The following GALNT15 variants were observed in gnomAD, a reference collection of about 807,000 sequenced individuals.
GALNT15 encodes polypeptide N-acetylgalactosaminyltransferase 15, also known as UDP-GalNAc transferase T15.
GALNT15 carries 67 observed loss-of-function variants against 66.8 expected under a neutral mutation model. The observed-to-expected ratio is 1.00, with a 90% CI of 0.82 to 1.23. The LOEUF (loss-of-function observed/expected upper bound fraction) is 1.23. Ranked by LOEUF, GALNT15 falls within the 50% of genes most tolerant of loss-of-function variation. The pLI is 0.00. For missense variants in GALNT15, 827 were observed against 804.3 expected (o/e 1.03, Z -0.34); for synonymous variants, 313 against 311.5 (o/e 1.00, Z -0.05).
At chr3:16,244,177 C>T in the GALNT15 span, among the ~76,000 whole-genome samples, 1 of 152,150 alleles carries the variant, frequency 6.6e-6, no homozygotes, top group African/African-American at 2.4e-5. Context: ...GGCTTCTGTC[C>T]ACCTCCTCAG....
At position 16,229,816 on chromosome 3, in the gene GALNT15, A is replaced by G; in HGVS notation, c.*2316A>G. The G allele has an allele frequency of 2.4e-6, 2 of 846,486 alleles. No individual in the cohort carries two copies. The highest frequency in any genetic ancestry group is 6.1e-4 in the Middle Eastern group (1 of 1,636). The allele number at this position is 846,486 out of a possible 1,614,324, so 52.4% of individuals were successfully genotyped here. On this transcript the variant is annotated 3_prime_UTR_variant, in exon 10 of 10. Coordinates refer to ENST00000339732, the MANE Select transcript of GALNT15 (RefSeq NM_054110.5). ...ATTGCCTAATTGGGTGAACAAAGCA[A>G]GAATATGGTGTTTCTTGCTTCCTTA...
In GALNT15 at chr3:16,184,033, C is replaced by T. The variant is rs1024957229; in HGVS notation, c.539+8343C>T. The stretch of plus-strand genomic sequence containing the variant: ...TAAGATTATCCCTTTCAATCCAGGA[C>T]ACACCCCTGGGCTGGAGAAAGGTAT... On this transcript the variant is annotated intron_variant, in intron 1 of 9. Coordinates refer to ENST00000339732, the MANE Select transcript of GALNT15 (RefSeq NM_054110.5). The surrounding 1 kb of genome is among the most constrained non-coding windows in gnomAD (Gnocchi z 5.0). Among the ~76,000 whole-genome samples, 1 of 152,172 alleles carries T rather than the reference C, an allele frequency of 6.6e-6. No individual in the cohort carries two copies.
At chr3:16,247,681 T>C in the GALNT15 span, among the ~76,000 whole-genome samples, 1 of 152,214 alleles carries the variant, frequency 6.6e-6, no homozygotes, top group Non-Finnish European at 1.5e-5. Context: ...GTGTTGTAAA[T>C]GAAGCATCAT....
chr3:16,228,604 G>T lies in GALNT15; in HGVS notation c.*1104G>T, dbSNP rs1171634676. 18 of 953,218 alleles carry T rather than the reference G, an allele frequency of 1.9e-5. No individual in the cohort carries two copies. The highest frequency in any genetic ancestry group is 2.1e-5 in the Non-Finnish European group (17 of 803,742). 59.0% of individuals were successfully genotyped at this position (953,218 alleles called of 1,614,324 possible). On this transcript the variant is annotated 3_prime_UTR_variant, in exon 10 of 10. Coordinates refer to ENST00000339732, the MANE Select transcript of GALNT15 (RefSeq NM_054110.5). ...TGCAGTGAGCTGAGATCATGCCATT[G>T]CACTCCAACCTGGGTGACAGAGTGA...
In GALNT15 at chr3:16,200,898, A is replaced by G. The variant is rs937454583; in HGVS notation, c.911+75A>G. 5.1e-5 allele frequency: 57 copies of G among 1,127,570 alleles called. No homozygotes were observed. In the Middle Eastern group the frequency reaches 1.2e-3, roughly 24 times the overall value. The allele number at this position is 1,127,570 out of a possible 1,614,324, so 69.8% of individuals were successfully genotyped here. ...AGTCTACAGCATCAGCCACTCACAGAGCAACCCACCTATTAATTCCTGAAT... is the reference window on the plus strand; with the variant it reads ...AGTCTACAGCATCAGCCACTCACAGGGCAACCCACCTATTAATTCCTGAAT... On this transcript the variant is annotated intron_variant, in intron 3 of 9. Coordinates refer to ENST00000339732, the MANE Select transcript of GALNT15 (RefSeq NM_054110.5). The surrounding 1 kb of genome is among the most constrained non-coding windows in gnomAD (Gnocchi z 4.4).
chr3:16,219,330 C>T lies in GALNT15; in HGVS notation c.1393-73C>T, dbSNP rs2063915483. 29 of 1,580,920 alleles carry T rather than the reference C, an allele frequency of 1.8e-5. No individual in the cohort carries two copies. The highest frequency in any genetic ancestry group is 2.2e-5 in the Non-Finnish European group (26 of 1,162,060). ...TGATCCTTTAGCTTCTTCCCAGCCA[C>T]TCCATCCCCAACCATGTGAATTCTG... On this transcript the variant is annotated intron_variant, in intron 6 of 9. Transcript: ENST00000339732. The surrounding 1 kb of genome is among the most constrained non-coding windows in gnomAD (Gnocchi z 4.3).
chr3:16,208,949 C>T (rs1472173916), intron 4 of GALNT15, among the ~76,000 whole-genome samples: 1 of 152,182 alleles, frequency 6.6e-6, no homozygotes, highest in Non-Finnish European at 1.5e-5. Flanking sequence ...TTGTCATATT[C>T]ATAAAGTTCC....
At position 16,180,968 on chromosome 3, in the gene GALNT15, TG is replaced by T. The variant is rs1444998809; in HGVS notation, c.539+5281del. On this transcript the variant is annotated intron_variant, in intron 1 of 9. Transcript: ENST00000339732. The surrounding 1 kb of genome is among the most constrained non-coding windows in gnomAD (Gnocchi z 5.0). ...GAGCCTCAGTTCCTCAACTGTAAAATGGGATAATAATAACACCCTTGCATAA... is the reference window on the plus strand; with the variant it reads ...GAGCCTCAGTTCCTCAACTGTAAAATGGATAATAATAACACCCTTGCATAA... Among the ~76,000 whole-genome samples the T allele has an allele frequency of 6.6e-6, 1 of 152,162 alleles. No individual in the cohort carries two copies. The highest frequency in any genetic ancestry group is 1.5e-5 in the Non-Finnish European group (1 of 68,016).
the GALNT15 span, among the ~76,000 whole-genome samples, chr3:16,240,663 T>A: frequency 1.3e-5 from 2 of 152,172 alleles, no homozygotes; most frequent in Non-Finnish European, 2.9e-5. Flanking sequence ...CCACCTATGT[T>A]TCAGTAATTT....
chr3:16,243,528 A>G, the GALNT15 span, among the ~76,000 whole-genome samples: 2 of 152,336 alleles, frequency 1.3e-5, no homozygotes. Flanking sequence ...CACCAGGAAC[A>G]TACCTCTGGG....
the GALNT15 span, among the ~76,000 whole-genome samples, chr3:16,238,409 AGTACTAT>A: frequency 6.6e-6 from 1 of 152,182 alleles, no homozygotes; most frequent in Non-Finnish European, 1.5e-5. The surrounding 1 kb of genome is among the most constrained non-coding windows in gnomAD (Gnocchi z 4.8). Context: ...TACCATTGTT[AGTACTAT>A]GTACTATTAC....
chr3:16,233,322 T>A (rs1177594620), downstream of GALNT15, among the ~76,000 whole-genome samples: 3 of 151,876 alleles, frequency 2.0e-5, no homozygotes, highest in Non-Finnish European at 4.4e-5. Flanking sequence ...CTTGAACTCC[T>A]GACCTCAGGT....
intron 1 of GALNT15, among the ~76,000 whole-genome samples, chr3:16,178,395 CAGGCAGTCGGG>C (rs2063433562): frequency 6.6e-6 from 1 of 152,180 alleles, no homozygotes; most frequent in Non-Finnish European, 1.5e-5. Flanking sequence ...CTGAAGGTCC[CAGGCAGTCGGG>C]AGGAAACTCC....
Position 16,195,718 on chromosome 3 carries a change from G to C in GALNT15, c.540-42G>C. The C allele has an allele frequency of 2.3e-5, 37 of 1,576,788 alleles. No individual in the cohort carries two copies. Among genetic ancestry groups the C allele is most frequent in the East Asian group, 6.8e-5 (3 of 44,316 alleles). On this transcript the variant is annotated intron_variant, in intron 1 of 9. Coordinates refer to ENST00000339732, the MANE Select transcript of GALNT15 (RefSeq NM_054110.5). The surrounding 1 kb of genome is among the most constrained non-coding windows in gnomAD (Gnocchi z 4.6). ...TTAGAGGGTGTGGAGTGTTTCTTGT[G>C]GCCTTCTCTTCCCCATGGCTCTCTG...
intron 8 of GALNT15, among the ~76,000 whole-genome samples, chr3:16,221,623 G>A (rs1320673040): frequency 6.6e-6 from 1 of 152,200 alleles, no homozygotes; most frequent in Admixed American, 6.5e-5. Context: ...TAGCAAGCCA[G>A]CTTTGACCTT....
At chr3:16,243,592 G>A in the GALNT15 span, among the ~76,000 whole-genome samples, 2 of 152,206 alleles carry the variant, frequency 1.3e-5, no homozygotes, top group African/African-American at 4.8e-5. Context: ...CCCACATGAG[G>A]AACCATGGGT....
the GALNT15 span, among the ~76,000 whole-genome samples, chr3:16,243,510 G>A: frequency 2.0e-5 from 3 of 152,318 alleles, no homozygotes; most frequent in Non-Finnish European, 2.9e-5. Flanking sequence ...ATGCCCACCC[G>A]CCAGCACCAC....
rs2063693677 is a variant in GALNT15, at chr3:16,200,913, A to T, written c.911+90A>T. Reference sequence around the variant, plus strand: ...CCACTCACAGAGCAACCCACCTATTAATTCCTGAATCTCCATTAGAGAGTG... The same window carrying T: ...CCACTCACAGAGCAACCCACCTATTTATTCCTGAATCTCCATTAGAGAGTG... On this transcript the variant is annotated intron_variant, in intron 3 of 9. Transcript: ENST00000339732. The surrounding 1 kb of genome is among the most constrained non-coding windows in gnomAD (Gnocchi z 4.4). The T allele has an allele frequency of 1.1e-6, 1 of 947,970 alleles. No homozygotes were observed. The highest frequency in any genetic ancestry group is 1.5e-6 in the Non-Finnish European group (1 of 648,400). The allele number at this position is 947,970 out of a possible 1,614,324, so 58.7% of individuals were successfully genotyped here.
chr3:16,213,924 A>T (rs1458565885), intron 6 of GALNT15, among the ~76,000 whole-genome samples: 1 of 152,196 alleles, frequency 6.6e-6, no homozygotes, highest in Non-Finnish European at 1.5e-5. Flanking sequence ...AATAGCCTCC[A>T]GGGCCTGGGA....
Sources: allele counts gnomAD v4.1 joint callset (sites outside exome capture counted in the v4.1 genomes callset), GRCh38; gene constraint gnomAD v4.1.1; non-coding constraint Gnocchi (gnomAD v3.1); transcripts MANE v1.5; gene names NCBI Gene and HGNC (gene_info 2026-07-23, HGNC 2026-07-21).